Variants in FUT8 observed in about 807,000 individuals in gnomAD.
FUT8 encodes fucosyltransferase 8, also known as alpha-(1,6)-fucosyltransferase.
A neutral mutation model predicts 71.3 loss-of-function variants in FUT8; 29 were observed. The ratio of observed to expected loss-of-function variants is 0.41; its 90% CI spans 0.30 to 0.55. FUT8 has a LOEUF of 0.55. Ranked by LOEUF, FUT8 falls within the 20% of genes least tolerant of loss-of-function variation. The probability of loss-of-function intolerance (pLI) is 0.34; values close to 1 mark genes in which losing one functional copy is unlikely to be tolerated. For missense variants in FUT8, 544 were observed against 702.1 expected (o/e 0.77, Z 2.55); for synonymous variants, 254 against 239.3 (o/e 1.06, Z -0.57).
chr14:65,493,784 G>A (rs533592737), intron 2 of FUT8, among the ~76,000 whole-genome samples: 1 of 151,710 alleles, frequency 6.6e-6, no homozygotes, highest in East Asian at 1.9e-4. Flanking sequence ...AGGCCTCTTT[G>A]GGAAAAATTT....
the FUT8 span, among the ~76,000 whole-genome samples, chr14:65,361,479 C>A: frequency 2.7e-3 from 406 of 151,688 alleles, 18 homozygotes; most frequent in African/African-American, 9.2e-3. Context: ...CATAGAAACT[C>A]AGTATTTTAC....
rs1595377989 is a variant in FUT8 at position 65,439,968 on chromosome 14, A to ACG, written c.-325-15653_-325-15652insCG. ...TGTGTGTGTGTGTATATATATATAT[A>ACG]TATATATATATATATATATATATGT... On this transcript the variant is annotated intron_variant, in intron 1 of 10. Coordinates refer to ENST00000673929, the MANE Select transcript of FUT8 (RefSeq NM_001371533.1). Among the ~76,000 whole-genome samples, 58 of 131,488 alleles carry ACG rather than the reference A, an allele frequency of 4.4e-4. 1 individual carries two copies. Among genetic ancestry groups the ACG allele is most frequent in the Admixed American group, 8.9e-4 (12 of 13,448 alleles). The allele number at this position is 131,488 out of a possible 152,430, so 86.3% of individuals were successfully genotyped here.
At chr14:65,391,401 G>T in the FUT8 span, among the ~76,000 whole-genome samples, 2 of 152,166 alleles carry the variant, frequency 1.3e-5, no homozygotes, top group African/African-American at 4.8e-5. Context: ...TGTTGCCCAG[G>T]CTGCAGTGCA....
chr14:65,706,014 C>T (rs868345179), intron 7 of FUT8, among the ~76,000 whole-genome samples: 1 of 152,258 alleles, frequency 6.6e-6, no homozygotes, highest in Non-Finnish European at 1.5e-5. Flanking sequence ...TCAGCAGAAT[C>T]GTCCCCAAAA....
chr14:65,544,808 A>G (rs956015268), intron 2 of FUT8, among the ~76,000 whole-genome samples: 3 of 152,158 alleles, frequency 2.0e-5, no homozygotes, highest in Admixed American at 6.5e-5. Flanking sequence ...TGTATATACT[A>G]TGACACTACT....
chr14:65,732,659 T>C (rs1470425446), intron 9 of FUT8, among the ~76,000 whole-genome samples: 3 of 152,178 alleles, frequency 2.0e-5, no homozygotes, highest in South Asian at 4.1e-4. Flanking sequence ...TCTATTACTG[T>C]TATTAGGTAA....
chr14:65,587,389 A>C (rs935064420), intron 3 of FUT8, among the ~76,000 whole-genome samples: 1 of 152,168 alleles, frequency 6.6e-6, no homozygotes, highest in Non-Finnish European at 1.5e-5. Flanking sequence ...CCAATAGTCC[A>C]AGTCTTTTGA....
intron 6 of FUT8, among the ~76,000 whole-genome samples, chr14:65,651,887 G>A (rs1891427618): frequency 6.6e-6 from 1 of 152,142 alleles, no homozygotes; most frequent in Non-Finnish European, 1.5e-5. Flanking sequence ...GTCTTATGGG[G>A]ACCTCTGAGA....
chr14:65,387,041 C>A, the FUT8 span, among the ~76,000 whole-genome samples: 11 of 152,146 alleles, frequency 7.2e-5, no homozygotes, highest in Admixed American at 1.3e-4. Context: ...AGGGTTTCAC[C>A]ATGTTGGTCA....
intron 2 of FUT8, among the ~76,000 whole-genome samples, chr14:65,542,141 C>G (rs1884711311): frequency 6.6e-6 from 1 of 152,118 alleles, no homozygotes; most frequent in African/African-American, 2.4e-5. Context: ...GCCTTGCATT[C>G]AGGAAACACT....
chr14:65,705,582 A>T (rs61038704), intron 7 of FUT8, among the ~76,000 whole-genome samples: 20,141 of 152,206 alleles, frequency 0.13, 1,886 homozygotes, highest in East Asian at 0.47. Context: ...CATACTTGGC[A>T]ATACACTGTT....
chr14:65,666,089 A>G (rs997155270), intron 6 of FUT8, among the ~76,000 whole-genome samples: 1 of 152,188 alleles, frequency 6.6e-6, no homozygotes, highest in African/African-American at 2.4e-5. Context: ...AAATTTAAAA[A>G]AAAAACAAAA....
At chr14:65,528,301 C>A (rs1388983563) in intron 2 of FUT8, among the ~76,000 whole-genome samples, 1 of 152,258 alleles carries the variant, frequency 6.6e-6, no homozygotes, top group Non-Finnish European at 1.5e-5. Flanking sequence ...TCTCAGACTG[C>A]TGTGCTAGCA....
intron 1 of FUT8, among the ~76,000 whole-genome samples, chr14:65,434,822 T>A (rs2065530583): frequency 1.3e-5 from 2 of 152,306 alleles, no homozygotes; most frequent in South Asian, 4.1e-4. Flanking sequence ...GCATATTTCC[T>A]TTATTTTTTA....
intron 3 of FUT8, among the ~76,000 whole-genome samples, chr14:65,609,043 T>A (rs1182798332): frequency 7.2e-5 from 11 of 151,778 alleles, no homozygotes; most frequent in Admixed American, 5.9e-4. Flanking sequence ...GTCTGTAATC[T>A]CAGCACTTTG....
intron 9 of FUT8, among the ~76,000 whole-genome samples, chr14:65,725,064 T>A (rs11622829): frequency 0.36 from 54,424 of 152,080 alleles, 11,903 homozygotes; most frequent in Non-Finnish European, 0.49. Context: ...GATTTCACTG[T>A]CTTCATTAAC....
chr14:65,612,557 T>G (rs2140209622), intron 3 of FUT8, among the ~76,000 whole-genome samples: 1 of 152,346 alleles, frequency 6.6e-6, no homozygotes, highest in Non-Finnish European at 1.5e-5. Context: ...CTTTGCAGAT[T>G]TCTGGAATTC....
At chr14:65,634,224 A>C (rs1483599725) in intron 6 of FUT8, among the ~76,000 whole-genome samples, 1 of 151,912 alleles carries the variant, frequency 6.6e-6, no homozygotes, top group East Asian at 1.9e-4. Context: ...TACTAAGAAA[A>C]ATTCTTCTGC....
chr14:65,439,967 T>TACACAC (rs2065624045), intron 1 of FUT8, among the ~76,000 whole-genome samples: 1 of 130,108 alleles, frequency 7.7e-6, no homozygotes, highest in East Asian at 2.3e-4. Flanking sequence ...TATATATATA[T>TACACAC]ATATATATAT....
Sources: allele counts gnomAD v4.1 joint callset (sites outside exome capture counted in the v4.1 genomes callset), GRCh38; gene constraint gnomAD v4.1.1; transcripts MANE v1.5; gene names NCBI Gene and HGNC (gene_info 2026-07-23, HGNC 2026-07-21).